Variants in EYS observed in about 807,000 individuals in gnomAD.
The protein encoded by EYS is EGF-like photoreceptor maintenance factor.
EYS carries 250 observed loss-of-function variants against 282.1 expected under a neutral mutation model. The observed-to-expected ratio is 0.89, with a 90% CI of 0.80 to 0.98. The LOEUF (loss-of-function observed/expected upper bound fraction) is 0.98, where lower values mean the gene tolerates loss of function less well. Ranked by LOEUF, EYS falls within the 50% of genes least tolerant of loss-of-function variation. The pLI is 0.00. For synonymous variants in EYS, 1,355 were observed against 1,282.9 expected (o/e 1.06, Z -1.20); for missense variants, 4,016 against 3,709.0 (o/e 1.08, Z -2.15).
intron 35 of EYS, among the ~76,000 whole-genome samples, chr6:63,906,516 T>C (rs1773782909): frequency 6.6e-6 from 1 of 152,230 alleles, no homozygotes. Context: ...TCTAAATACA[T>C]ACATTTTAGA....
At chr6:65,442,858 A>C (rs1768399925) in intron 5 of EYS, among the ~76,000 whole-genome samples, 1 of 148,078 alleles carries the variant, frequency 6.8e-6, no homozygotes, top group Admixed American at 6.7e-5. Context: ...ATACATATGT[A>C]CATATATACA....
rs1345366777 is a variant in EYS at position 65,666,508 on chromosome 6, T to C, written c.-447-26616A>G. Among the ~76,000 whole-genome samples the C allele has an allele frequency of 2.0e-5, 3 of 151,886 alleles. No individual in the cohort carries two copies. In the East Asian group the frequency reaches 5.8e-4, roughly 29 times the overall value. ...ATTACTAATTACTGTAGTAATTAAA[T>C]GTTAGCATAACTAAAGTTTATACCT... is the stretch of plus-strand genomic sequence containing the variant. On this transcript the variant is annotated intron_variant, in intron 1 of 42. Transcript: ENST00000503581.
chr6:64,260,722 T>C (rs1767559259), intron 30 of EYS, among the ~76,000 whole-genome samples: 1 of 152,070 alleles, frequency 6.6e-6, no homozygotes, highest in African/African-American at 2.4e-5. Flanking sequence ...GCTTTTATTC[T>C]ATAGTTTAAT....
intron 28 of EYS, among the ~76,000 whole-genome samples, chr6:64,422,114 TTGAC>T (rs1241732558): frequency 6.6e-6 from 1 of 152,030 alleles, no homozygotes; most frequent in African/African-American, 2.4e-5. Context: ...AGCTAGATGA[TTGAC>T]AGATAGATAG....
chr6:65,265,569 T>G (rs953695254), intron 12 of EYS, among the ~76,000 whole-genome samples: 1 of 152,028 alleles, frequency 6.6e-6, no homozygotes, highest in Non-Finnish European at 1.5e-5. Context: ...ACAATGTGTA[T>G]AGAGTATTGT....
intron 12 of EYS, among the ~76,000 whole-genome samples, chr6:65,227,158 C>CAAAAAAAAAAAAAA (rs76953241): frequency 1.1e-5 from 1 of 92,212 alleles, no homozygotes; most frequent in African/African-American, 3.6e-5. Context: ...CAACAACAAC[C>CAAAAAAAAAAAAAA]AAAAAAAAAA....
At chr6:63,907,091 T>G (rs114257991) in intron 35 of EYS, among the ~76,000 whole-genome samples, 1 of 152,198 alleles carries the variant, frequency 6.6e-6, no homozygotes, top group Non-Finnish European at 1.5e-5. Flanking sequence ...TTTCCATAAC[T>G]GTGCTTCTCC....
At chr6:65,272,096 C>G (rs1767921820) in intron 12 of EYS, among the ~76,000 whole-genome samples, 2 of 152,116 alleles carry the variant, frequency 1.3e-5, no homozygotes, top group South Asian at 4.1e-4. Flanking sequence ...CCCAGTCTGT[C>G]TAGCAACATT....
intron 13 of EYS, among the ~76,000 whole-genome samples, chr6:65,033,489 G>A (rs1159187501): frequency 6.6e-6 from 1 of 152,174 alleles, no homozygotes; most frequent in African/African-American, 2.4e-5. Context: ...CCCTTTTGAA[G>A]TTGCTCCCCA....
At position 64,421,860 on chromosome 6, in the gene EYS, G is replaced by GTGTGTGT. The variant is rs1554159220; in HGVS notation, c.5927+14313_5927+14314insACACACA. On this transcript the variant is annotated intron_variant, in intron 28 of 42. Coordinates refer to ENST00000503581, the MANE Select transcript of EYS (RefSeq NM_001142800.2). Reference sequence around the variant, plus strand: ...AGAGAGCGCATTTTTTTGTTTGGGGGGTGTGTGTGTGTGTGTGTGTGTGTG... The same window carrying GTGTGTGT: ...AGAGAGCGCATTTTTTTGTTTGGGGGTGTGTGTGTGTGTGTGTGTGTGTGTGTGTGTG... Among the ~76,000 whole-genome samples, 327 of 138,344 alleles carry GTGTGTGT rather than the reference G, an allele frequency of 2.4e-3. 6 individuals carry two copies. Among genetic ancestry groups the GTGTGTGT allele is most frequent in the East Asian group, 0.011 (55 of 4,850 alleles). The allele number at this position is 138,344 out of a possible 152,430, so 90.8% of individuals were successfully genotyped here.
At chr6:64,462,171 G>A (rs772598787) in intron 26 of EYS, among the ~76,000 whole-genome samples, 12 of 152,086 alleles carry the variant, frequency 7.9e-5, no homozygotes, top group Non-Finnish European at 1.3e-4. Context: ...CAATTTTATT[G>A]AGAAATAATT....
At chr6:64,386,149 A>G (rs1024074809) in intron 29 of EYS, among the ~76,000 whole-genome samples, 1 of 152,232 alleles carries the variant, frequency 6.6e-6, no homozygotes, top group African/African-American at 2.4e-5. Context: ...TAGGAATGAT[A>G]TTCAGCAGGA....
intron 34 of EYS, among the ~76,000 whole-genome samples, chr6:63,995,534 G>A (rs1009783079): frequency 5.3e-5 from 8 of 151,940 alleles, no homozygotes; most frequent in African/African-American, 1.9e-4. Context: ...ATCTGATCTA[G>A]CAATACCACT....
chr6:64,648,791 T>C (rs947708744), intron 22 of EYS, among the ~76,000 whole-genome samples: 5 of 152,306 alleles, frequency 3.3e-5, no homozygotes, highest in Non-Finnish European at 7.4e-5. Context: ...GAGAAATAGC[T>C]AAAAATAATT....
chr6:65,666,403 A>G (rs910433970), intron 1 of EYS, among the ~76,000 whole-genome samples: 1 of 151,850 alleles, frequency 6.6e-6, no homozygotes, highest in African/African-American at 2.4e-5. Context: ...GTTCTCTAAC[A>G]AGTCTCAAAA....
At chr6:64,709,177 C>T (rs1036575353) in intron 22 of EYS, among the ~76,000 whole-genome samples, 28 of 152,210 alleles carry the variant, frequency 1.8e-4, no homozygotes, top group African/African-American at 6.7e-4. Flanking sequence ...TCTTTGTTTC[C>T]TATTTTGTCT....
chr6:64,626,192 GA>G lies in EYS; in HGVS notation c.3496del (p.Ser1166LeufsTer63). On this transcript the variant is annotated frameshift_variant, in exon 23 of 43. Transcript: ENST00000503581. LOFTEE classifies it high-confidence loss of function. Reference protein sequence around the residue: ...QFCEININECSSSPCLHGADC... With the variant: ...QFCEININECXSSPCLHGADC... ...TGCACCATGTAGACATGGTGATGAA[GA>G]GCATTCATTTATATTAATTTCACAA... 1 of 1,539,902 alleles carries G rather than the reference GA, an allele frequency of 6.5e-7. No homozygotes were observed. Among genetic ancestry groups the G allele is most frequent in the Non-Finnish European group, 8.7e-7 (1 of 1,143,854 alleles).
At chr6:64,200,673 G>C (rs571834972) in intron 31 of EYS, among the ~76,000 whole-genome samples, 1 of 152,278 alleles carries the variant, frequency 6.6e-6, no homozygotes, top group East Asian at 1.9e-4. Context: ...AGAAAAATAA[G>C]TGGATCCTGA....
intron 30 of EYS, among the ~76,000 whole-genome samples, chr6:64,232,341 A>G (rs967740317): frequency 7.4e-6 from 1 of 134,960 alleles, no homozygotes; most frequent in Non-Finnish European, 1.6e-5. Flanking sequence ...ATAATTTTGA[A>G]TCTTTTTTTT....
Sources: gnomAD v4.1 joint callset for allele counts (sites outside exome capture counted in the v4.1 genomes callset) on GRCh38, gnomAD v4.1.1 for gene constraint, MANE v1.5 for transcripts, NCBI Gene and HGNC (gene_info 2026-07-23, HGNC 2026-07-21) for gene names.